The following ALK variants were observed in gnomAD, a reference collection of about 807,000 sequenced individuals.
The protein encoded by ALK is ALK receptor tyrosine kinase, also known as ALK tyrosine kinase receptor.
ALK carries 74 observed loss-of-function variants against 163.1 expected under a neutral mutation model. The observed-to-expected ratio is 0.45, with a 90% CI of 0.38 to 0.55. The LOEUF is 0.55. Among genes scored for constraint, ALK ranks in the 20% least tolerant of loss-of-function variants. The probability of loss-of-function intolerance (pLI) is 0.00; values close to 1 mark genes in which losing one functional copy is unlikely to be tolerated. For missense variants in ALK, 2,063 were observed against 2,105.3 expected, an observed-to-expected ratio of 0.98 and a Z score of 0.39; for synonymous variants, 960 against 843.2, an observed-to-expected ratio of 1.14 and a Z score of -2.40.
intron 5 of ALK, among the ~76,000 whole-genome samples, chr2:29,359,399 G>A (rs536660891): frequency 3.9e-5 from 6 of 152,356 alleles, no homozygotes; most frequent in African/African-American, 1.4e-4. Flanking sequence ...CCCACACAGA[G>A]GAGGGTTCCT....
intron 4 of ALK, among the ~76,000 whole-genome samples, chr2:29,392,389 G>A (rs1669195232): frequency 6.6e-6 from 1 of 152,186 alleles, no homozygotes; most frequent in Admixed American, 6.5e-5. Flanking sequence ...TATGCCAAAT[G>A]CAAGTAACTC....
At chr2:29,446,584 C>A (rs1670689772) in intron 4 of ALK, among the ~76,000 whole-genome samples, 1 of 152,214 alleles carries the variant, frequency 6.6e-6, no homozygotes. Context: ...TTCTTAAAAA[C>A]TGATTCTTGG....
intron 3 of ALK, among the ~76,000 whole-genome samples, chr2:29,654,694 T>C (rs1354623261): frequency 2.0e-5 from 3 of 152,150 alleles, no homozygotes; most frequent in Non-Finnish European, 2.9e-5. Flanking sequence ...TCCAGGCATA[T>C]TGAAAGATGT....
intron 1 of ALK, among the ~76,000 whole-genome samples, chr2:29,785,912 TACACACACACACACACACAC>T (rs10524599): frequency 4.0e-4 from 58 of 146,674 alleles, no homozygotes; most frequent in Middle Eastern, 3.4e-3. Flanking sequence ...TTTTTGAGTA[TACACACACACACACACACAC>T]ACACACACAC....
At chr2:29,408,458 G>T (rs553135196) in intron 4 of ALK, among the ~76,000 whole-genome samples, 1 of 152,062 alleles carries the variant, frequency 6.6e-6, no homozygotes, top group African/African-American at 2.4e-5. Context: ...TAACAAGCCC[G>T]ATGGAGCTCA....
intron 4 of ALK, among the ~76,000 whole-genome samples, chr2:29,485,280 A>G (rs997358708): frequency 6.6e-6 from 1 of 152,188 alleles, no homozygotes; most frequent in African/African-American, 2.4e-5. Flanking sequence ...CTAATTTTCC[A>G]TTTGAACAAG....
chr2:29,287,410 C>A (rs537142158), intron 9 of ALK, among the ~76,000 whole-genome samples: 1 of 152,162 alleles, frequency 6.6e-6, no homozygotes, highest in Non-Finnish European at 1.5e-5. Flanking sequence ...ATGACCAAGA[C>A]CTTCAACTGA....
chr2:29,626,431 C>G (rs950352689), intron 3 of ALK, among the ~76,000 whole-genome samples: 2 of 152,202 alleles, frequency 1.3e-5, no homozygotes, highest in Non-Finnish European at 2.9e-5. Flanking sequence ...CCATGTAAGA[C>G]ATCCCTTTGC....
intron 11 of ALK, among the ~76,000 whole-genome samples, chr2:29,259,991 T>G (rs1665043889): frequency 6.6e-6 from 1 of 152,066 alleles, no homozygotes. Context: ...TTTAGAATTA[T>G]CAGAGTTTTT....
intron 5 of ALK, among the ~76,000 whole-genome samples, chr2:29,383,460 A>G (rs1410634740): frequency 6.6e-6 from 1 of 152,008 alleles, no homozygotes; most frequent in Admixed American, 6.6e-5. Flanking sequence ...GGGATTACAG[A>G]CGCACATCAC....
chr2:29,672,107 G>A (rs868227001), intron 3 of ALK, among the ~76,000 whole-genome samples: 4 of 148,628 alleles, frequency 2.7e-5, no homozygotes, highest in Non-Finnish European at 4.5e-5. Context: ...ATTTAGGGAG[G>A]TTTTTTCATA....
At chr2:29,690,158 T>C (rs77764072) in intron 3 of ALK, among the ~76,000 whole-genome samples, 424 of 152,310 alleles carry the variant, frequency 2.8e-3, no homozygotes, top group African/African-American at 9.8e-3. Flanking sequence ...TGCAATACCC[T>C]AGTCATGTGT....
chr2:29,895,979 C>A (rs781332010), intron 1 of ALK, among the ~76,000 whole-genome samples: 1 of 152,204 alleles, frequency 6.6e-6, no homozygotes, highest in South Asian at 2.1e-4. Context: ...TGACACAGCT[C>A]TCTCCATCCT....
At chr2:29,863,029 T>G (rs1666335638) in intron 1 of ALK, among the ~76,000 whole-genome samples, 3 of 152,116 alleles carry the variant, frequency 2.0e-5, no homozygotes, top group Admixed American at 2.0e-4. Flanking sequence ...ATAGTCTGTC[T>G]AAGAAAGAGC....
Position 29,207,164 on chromosome 2 carries a change from G to C in ALK, c.3938+7C>G, listed in dbSNP as rs1553390731. The stretch of plus-strand genomic sequence containing the variant: ...CAGGGATACCTGGAGGATGATGGCT[G>C]ACTTACCATGTGTCTGTTTTAGAAG... On this transcript the variant is annotated splice_region_variant and intron_variant, in intron 26 of 28. Coordinates refer to ENST00000389048, the MANE Select transcript of ALK (RefSeq NM_004304.5). The C allele has an allele frequency of 6.2e-7, 1 of 1,609,404 alleles. No homozygotes were observed. Among genetic ancestry groups the C allele is most frequent in the Non-Finnish European group, 8.5e-7 (1 of 1,175,762 alleles).
intron 5 of ALK, among the ~76,000 whole-genome samples, chr2:29,370,077 A>G (rs1366626745): frequency 6.6e-6 from 1 of 152,166 alleles, no homozygotes; most frequent in Non-Finnish European, 1.5e-5. Context: ...AAAGAAAGAC[A>G]TCGATCCTGT....
chr2:29,845,920 T>C (rs959719974), intron 1 of ALK, among the ~76,000 whole-genome samples: 1 of 152,188 alleles, frequency 6.6e-6, no homozygotes, highest in Non-Finnish European at 1.5e-5. Flanking sequence ...GGGTTCTCTG[T>C]AGCACAATGC....
intron 4 of ALK, among the ~76,000 whole-genome samples, chr2:29,509,318 T>G (rs925842567): frequency 1.3e-5 from 2 of 152,166 alleles, no homozygotes; most frequent in African/African-American, 2.4e-5. Flanking sequence ...AAGAAGCTTA[T>G]TTTTCAAAAA....
chr2:29,531,893 T>C (rs748284051), intron 4 of ALK, 22 bp downstream of exon 4: 5 of 1,613,368 alleles, frequency 3.1e-6, no homozygotes, highest in East Asian at 2.2e-5. Context: ...AAAATCAATT[T>C]TGGACATGGA....
Sources: gnomAD v4.1 joint callset for allele counts (sites outside exome capture counted in the v4.1 genomes callset) on GRCh38, gnomAD v4.1.1 for gene constraint, MANE v1.5 for transcripts, NCBI Gene and HGNC (gene_info 2026-07-23, HGNC 2026-07-21) for gene names.